The following SEMA3C variants were observed in gnomAD, a reference collection of about 807,000 sequenced individuals.
The protein encoded by SEMA3C is semaphorin 3C.
A neutral mutation model predicts 89.4 loss-of-function variants in SEMA3C; 47 were observed. The observed-to-expected ratio is 0.53, with a 90% CI of 0.42 to 0.67. The LOEUF is 0.67. Ranked by LOEUF, SEMA3C falls within the 30% of genes least tolerant of loss-of-function variation. SEMA3C has a pLI of 0.00. For synonymous variants in SEMA3C, 310 were observed against 320.2 expected (o/e 0.97, Z 0.34); for missense variants, 839 against 929.1 (o/e 0.90, Z 1.26).
Position 80,916,728 on chromosome 7 carries a change from A to G in SEMA3C, c.54T>C (p.Cys18=), listed in dbSNP as rs1381300192. ...CTTGGGGCTGGGAAGATCCTTTCAC[A>G]CAGATAGAACAAATAAATACTCCAA... ...VLVGVFICSI[C]VKGSSQPQAR... is the part of the protein sequence containing the mutation. Residue 18 remains cysteine, a synonymous_variant, in exon 2 of 18, where the codon TGT becomes TGC. Transcript: ENST00000265361. 1 of 1,613,688 alleles carries G rather than the reference A, an allele frequency of 6.2e-7. No individual in the cohort carries two copies. The highest frequency in any genetic ancestry group is 8.5e-7 in the Non-Finnish European group (1 of 1,179,838).
intron 3 of SEMA3C, among the ~76,000 whole-genome samples, chr7:80,828,208 A>T (rs1371016544): frequency 1.3e-5 from 2 of 152,176 alleles, no homozygotes; most frequent in Admixed American, 1.3e-4. Flanking sequence ...TGGATCAAGT[A>T]ACAGCGTATT....
At chr7:80,913,717 CTAAT>C (rs1792205937) in intron 2 of SEMA3C, among the ~76,000 whole-genome samples, 1 of 152,214 alleles carries the variant, frequency 6.6e-6, no homozygotes, top group Admixed American at 6.5e-5. Flanking sequence ...ACAAATGTAA[CTAAT>C]TAATAACATC....
At chr7:80,813,134 T>C (rs1015862618) in intron 5 of SEMA3C, among the ~76,000 whole-genome samples, 2 of 152,076 alleles carry the variant, frequency 1.3e-5, no homozygotes, top group African/African-American at 2.4e-5. Flanking sequence ...TCAATAAATT[T>C]TTTAATTTCA....
chr7:80,902,900 T>C (rs1450132083), intron 2 of SEMA3C, among the ~76,000 whole-genome samples: 2 of 152,236 alleles, frequency 1.3e-5, no homozygotes, highest in South Asian at 2.1e-4. Flanking sequence ...AGGATTATAG[T>C]ACAAAGGGCA....
chr7:80,749,119 A>G, intron 16 of SEMA3C, 91 bp from the exon 17 acceptor site: 1 of 1,283,312 alleles, frequency 7.8e-7, no homozygotes, highest in Non-Finnish European at 1.0e-6. Context: ...ATACATGTTT[A>G]TTTTTATACA....
chr7:80,866,968 A>G (rs1009218298), intron 2 of SEMA3C, among the ~76,000 whole-genome samples: 1 of 152,230 alleles, frequency 6.6e-6, no homozygotes, highest in African/African-American at 2.4e-5. Flanking sequence ...GGAGCCTGTG[A>G]GTCAAGAAAG....
At chr7:80,806,836 T>C (rs1341260830) in intron 6 of SEMA3C, among the ~76,000 whole-genome samples, 3 of 152,242 alleles carry the variant, frequency 2.0e-5, no homozygotes, top group East Asian at 1.9e-4. Flanking sequence ...TTTGGCAGGA[T>C]TGGAACATTT....
chr7:80,833,956 C>G (rs904587547), intron 2 of SEMA3C, among the ~76,000 whole-genome samples: 1 of 152,138 alleles, frequency 6.6e-6, no homozygotes, highest in African/African-American at 2.4e-5. Context: ...GAGAGAAAAA[C>G]ATTACAATTA....
intron 7 of SEMA3C, among the ~76,000 whole-genome samples, chr7:80,804,671 C>G (rs946232041): frequency 6.6e-6 from 1 of 151,980 alleles, no homozygotes; most frequent in Non-Finnish European, 1.5e-5. Context: ...ATGCAACATA[C>G]GAAATGAAGG....
intron 11 of SEMA3C, among the ~76,000 whole-genome samples, chr7:80,791,479 G>C (rs1193532882): frequency 1.3e-5 from 2 of 152,106 alleles, no homozygotes; most frequent in Non-Finnish European, 2.9e-5. Context: ...TCTTTAGAGA[G>C]GTATGTGATA....
At chr7:80,753,396 C>T (rs1233480990) in intron 15 of SEMA3C, among the ~76,000 whole-genome samples, 1 of 152,154 alleles carries the variant, frequency 6.6e-6, no homozygotes, top group Non-Finnish European at 1.5e-5. Context: ...ATATCATCCA[C>T]AATGGCTAAA....
chr7:80,865,786 T>G (rs1790913659), intron 2 of SEMA3C, among the ~76,000 whole-genome samples: 1 of 152,062 alleles, frequency 6.6e-6, no homozygotes, highest in Non-Finnish European at 1.5e-5. Flanking sequence ...AGGGCGAGAC[T>G]CCATCTCAGA....
At chr7:80,886,314 T>C (rs1213228529) in intron 2 of SEMA3C, among the ~76,000 whole-genome samples, 1 of 152,040 alleles carries the variant, frequency 6.6e-6, no homozygotes, top group East Asian at 1.9e-4. Flanking sequence ...TGTGCATTTA[T>C]GAAACAGGCT....
intron 12 of SEMA3C, among the ~76,000 whole-genome samples, chr7:80,784,271 TAA>T (rs562925081): frequency 6.0e-5 from 8 of 133,010 alleles, no homozygotes; most frequent in Admixed American, 1.5e-4. Context: ...TCCTCAAGAT[TAA>T]AAAAAAAAAA....
intron 2 of SEMA3C, among the ~76,000 whole-genome samples, chr7:80,871,357 C>T (rs972614747): frequency 6.6e-6 from 1 of 152,164 alleles, no homozygotes; most frequent in Non-Finnish European, 1.5e-5. Context: ...TCTGCCTTGA[C>T]TGCATGATCT....
chr7:80,850,331 A>C (rs1790482422), intron 2 of SEMA3C, among the ~76,000 whole-genome samples: 1 of 152,208 alleles, frequency 6.6e-6, no homozygotes. Flanking sequence ...AAATGTTAAC[A>C]GCAGTCTTAT....
Position 80,758,547 on chromosome 7 carries a change from C to G in SEMA3C, c.1486-59G>C, listed in dbSNP as rs542108299. 7 of 1,502,394 alleles carry G rather than the reference C, an allele frequency of 4.7e-6. No homozygotes were observed. In the African/African-American group the frequency reaches 9.7e-5, roughly 21 times the overall value. 93.1% of individuals were successfully genotyped at this position (1,502,394 alleles called of 1,614,324 possible). ...GTGGAAGTTAAAAGAAGACTTTCAG[C>G]AGGAACACATTATAATATATGCCCA... On this transcript the variant is annotated intron_variant, in intron 14 of 17. Transcript: ENST00000265361.
chr7:80,800,151 T>TCC (rs1789166777), intron 10 of SEMA3C, among the ~76,000 whole-genome samples: 27 of 117,136 alleles, frequency 2.3e-4, no homozygotes, highest in African/African-American at 8.5e-4. Context: ...AGACTCCATC[T>TCC]CAAAAAAAAA....
intron 16 of SEMA3C, among the ~76,000 whole-genome samples, chr7:80,749,890 A>G (rs1583840075): frequency 6.6e-6 from 1 of 152,224 alleles, no homozygotes; most frequent in South Asian, 2.1e-4. Flanking sequence ...GTTTGATGTT[A>G]CCTCCACTGC....
Sources: allele counts gnomAD v4.1 joint callset (sites outside exome capture counted in the v4.1 genomes callset), GRCh38; gene constraint gnomAD v4.1.1; transcripts MANE v1.5; gene names NCBI Gene and HGNC (gene_info 2026-07-23, HGNC 2026-07-21).